Variants in SUSD1 observed in about 807,000 individuals in gnomAD.
SUSD1 encodes the protein sushi domain containing 1, also known as sushi domain-containing protein 1.
SUSD1 carries 65 observed loss-of-function variants against 86.9 expected under a neutral mutation model. The observed-to-expected ratio is 0.75, with a 90% CI of 0.61 to 0.92. SUSD1 has a LOEUF of 0.92. Among genes scored for constraint, SUSD1 ranks in the 40% least tolerant of loss-of-function variants. The pLI is 0.00. For synonymous variants in SUSD1, 346 were observed against 350.0 expected, an observed-to-expected ratio of 0.99 and a Z score of 0.13; for missense variants, 850 against 929.7, an observed-to-expected ratio of 0.91 and a Z score of 1.11.
At chr9:112,072,922 G>T (rs752324911) in intron 12 of SUSD1, among the ~76,000 whole-genome samples, 2 of 152,206 alleles carry the variant, frequency 1.3e-5, no homozygotes, top group Non-Finnish European at 2.9e-5. Context: ...GGGCCCCCAG[G>T]GATAAGTGTG....
chr9:112,049,820 G>A (rs1828112036), intron 15 of SUSD1, among the ~76,000 whole-genome samples: 1 of 152,154 alleles, frequency 6.6e-6, no homozygotes, highest in Non-Finnish European at 1.5e-5. Context: ...TTATCTTCCA[G>A]AGATTTCCAG....
At chr9:112,149,631 A>T (rs1430000750) in intron 2 of SUSD1, among the ~76,000 whole-genome samples, 2 of 152,176 alleles carry the variant, frequency 1.3e-5, no homozygotes, top group East Asian at 3.8e-4. Context: ...ACAACACCTC[A>T]ATCTGGCAAT....
chr9:112,123,051 T>C (rs915082933), intron 6 of SUSD1, among the ~76,000 whole-genome samples: 6 of 152,198 alleles, frequency 3.9e-5, no homozygotes, highest in African/African-American at 1.4e-4. Flanking sequence ...ACAAGATTGG[T>C]ATACATAAAC....
chr9:112,112,600 C>A (rs1453072060), intron 7 of SUSD1, among the ~76,000 whole-genome samples, 171 bp downstream of exon 7: 1 of 151,840 alleles, frequency 6.6e-6, no homozygotes, highest in Non-Finnish European at 1.5e-5. Context: ...CCCACCACTG[C>A]ACTCCAGCCT....
chr9:112,150,404 T>G (rs2131792889), intron 2 of SUSD1, among the ~76,000 whole-genome samples: 1 of 152,380 alleles, frequency 6.6e-6, no homozygotes, highest in South Asian at 2.1e-4. Context: ...TACTTCGTGT[T>G]TTATTTCACC....
At chr9:112,154,907 A>G (rs753343586) in intron 2 of SUSD1, among the ~76,000 whole-genome samples, 1 of 152,174 alleles carries the variant, frequency 6.6e-6, no homozygotes, top group Non-Finnish European at 1.5e-5. Flanking sequence ...AGTACCACAT[A>G]AATTAATAAA....
intron 10 of SUSD1, among the ~76,000 whole-genome samples, chr9:112,081,453 G>T (rs1829764781): frequency 6.6e-6 from 1 of 152,194 alleles, no homozygotes; most frequent in Non-Finnish European, 1.5e-5. Flanking sequence ...AGGTGGTAAG[G>T]AACAGGAGGA....
intron 10 of SUSD1, among the ~76,000 whole-genome samples, chr9:112,089,627 C>G (rs1830118750): frequency 6.6e-6 from 1 of 152,034 alleles, no homozygotes; most frequent in South Asian, 2.1e-4. Context: ...GCCTGACCAA[C>G]ATGGTGAAAC....
At chr9:112,048,410 T>A (rs1441868783) in intron 15 of SUSD1, among the ~76,000 whole-genome samples, 1 of 152,230 alleles carries the variant, frequency 6.6e-6, no homozygotes, top group East Asian at 1.9e-4. Context: ...TATATGTACA[T>A]ATACAGTAAA....
At chr9:112,130,850 A>G (rs1042936706) in intron 5 of SUSD1, among the ~76,000 whole-genome samples, 20 of 146,430 alleles carry the variant, frequency 1.4e-4, no homozygotes, top group African/African-American at 5.0e-4. Context: ...CATCTCTACA[A>G]AAAAAAAAAA....
intron 13 of SUSD1, among the ~76,000 whole-genome samples, chr9:112,059,177 C>T (rs1018912486): frequency 6.6e-5 from 10 of 152,200 alleles, no homozygotes; most frequent in Non-Finnish European, 1.2e-4. Flanking sequence ...TCTGATGGCT[C>T]CAACCATCAT....
Position 112,113,796 on chromosome 9 carries a change from G to C in SUSD1, c.887-928C>G, listed in dbSNP as rs1298228770. ...AAAATACAAAACTTAGCGGTGCACG[G>C]TGGCACATGCCTGTAATCTCAACTA... is the stretch of plus-strand genomic sequence containing the variant. On this transcript the variant is annotated intron_variant, in intron 6 of 16. Transcript: ENST00000374270. The surrounding 1 kb of genome is among the most constrained non-coding windows in gnomAD (Gnocchi z 4.1). Among the ~76,000 whole-genome samples the C allele has an allele frequency of 6.6e-6, 1 of 152,084 alleles. No homozygotes were observed. Among genetic ancestry groups the C allele is most frequent in the Non-Finnish European group, 1.5e-5 (1 of 68,010 alleles).
intron 5 of SUSD1, among the ~76,000 whole-genome samples, chr9:112,126,395 C>T (rs892003004): frequency 3.7e-4 from 56 of 152,184 alleles, no homozygotes; most frequent in African/African-American, 1.3e-3. Context: ...CCATCTTGGA[C>T]GTGACCAAGA....
At chr9:112,067,442 C>A (rs1323161280) in intron 12 of SUSD1, among the ~76,000 whole-genome samples, 1 of 152,238 alleles carries the variant, frequency 6.6e-6, no homozygotes, top group Non-Finnish European at 1.5e-5. Flanking sequence ...GTTTCTGTCA[C>A]TTGCAACCAA....
intron 4 of SUSD1, among the ~76,000 whole-genome samples, chr9:112,143,185 C>T (rs1315897280): frequency 2.0e-5 from 3 of 151,256 alleles, no homozygotes; most frequent in Non-Finnish European, 2.9e-5. Flanking sequence ...AGGGTTTCAC[C>T]GTGTTGGCCA....
Position 112,056,266 on chromosome 9 carries a change from C to CA in SUSD1, c.2109+2161dup, listed in dbSNP as rs112227247. On this transcript the variant is annotated intron_variant, in intron 14 of 16. Coordinates refer to ENST00000374270, the MANE Select transcript of SUSD1 (RefSeq NM_022486.5). ...TGGGCAACAGAGCAAGACTCTGCCTCAAAAAAAAAAAAGACAGAAAGTAGA... is the reference window on the plus strand; with the variant it reads ...TGGGCAACAGAGCAAGACTCTGCCTCAAAAAAAAAAAAAGACAGAAAGTAGA... 9.0e-3 allele frequency among the ~76,000 whole-genome samples: 1,235 copies of CA among 136,748 alleles called. 18 individuals are homozygous for CA. The highest frequency in any genetic ancestry group is 0.026 in the African/African-American group (982 of 37,158). 89.7% of individuals were successfully genotyped at this position (136,748 alleles called of 152,430 possible). A position where few individuals can be genotyped will look rare whatever the true frequency, so the allele number is the denominator to read the frequency against.
At chr9:112,114,702 G>A (rs532140752) in intron 6 of SUSD1, among the ~76,000 whole-genome samples, 1 of 152,220 alleles carries the variant, frequency 6.6e-6, no homozygotes, top group African/African-American at 2.4e-5. Flanking sequence ...AACATGACCA[G>A]GTCTTGCCTC....
intron 8 of SUSD1, among the ~76,000 whole-genome samples, chr9:112,106,877 G>A (rs1258038661): frequency 6.6e-6 from 1 of 150,922 alleles, no homozygotes; most frequent in East Asian, 1.9e-4. Context: ...ATCACTTGTA[G>A]AAAAGAAAAC....
At chr9:112,128,709 A>G (rs759706099) in intron 5 of SUSD1, among the ~76,000 whole-genome samples, 55 of 152,238 alleles carry the variant, frequency 3.6e-4, no homozygotes, top group Middle Eastern at 3.2e-3. Context: ...CACATACATT[A>G]AGACCTGAAG....
Sources: gnomAD v4.1 joint callset for allele counts (sites outside exome capture counted in the v4.1 genomes callset) on GRCh38, gnomAD v4.1.1 for gene constraint, Gnocchi (gnomAD v3.1) non-coding constraint, MANE v1.5 for transcripts, NCBI Gene and HGNC (gene_info 2026-07-23, HGNC 2026-07-21) for gene names.